ALDH1L2: variants seen among roughly 807,000 people sequenced by gnomAD.
The protein encoded by ALDH1L2 is aldehyde dehydrogenase 1 family member L2, also known as mitochondrial 10-formyltetrahydrofolate dehydrogenase.
Under a neutral mutation model 111.0 loss-of-function variants are expected in ALDH1L2, and 91 were observed. That is an observed-to-expected ratio of 0.82 (90% CI 0.69 to 0.98). The LOEUF (loss-of-function observed/expected upper bound fraction) is 0.98, where lower values mean the gene tolerates loss of function less well. ALDH1L2 is among the 50% of genes least tolerant of loss of function. The pLI is 0.00. For synonymous variants in ALDH1L2, 374 were observed against 392.6 expected (o/e 0.95, Z 0.56); for missense variants, 995 against 1,126.8 (o/e 0.88, Z 1.67).
chr12:105,075,771 C>T (rs1878020376), intron 1 of ALDH1L2, among the ~76,000 whole-genome samples: 1 of 152,042 alleles, frequency 6.6e-6, no homozygotes, highest in East Asian at 1.9e-4. Flanking sequence ...GAAAATTGGA[C>T]TGATATATTT....
At chr12:105,083,494 C>T (rs919221937) in intron 1 of ALDH1L2, among the ~76,000 whole-genome samples, 4 of 152,160 alleles carry the variant, frequency 2.6e-5, no homozygotes, top group Admixed American at 6.5e-5. Flanking sequence ...TTCTCTCTGC[C>T]TCCAAGTTTT....
rs573067546 is a variant in ALDH1L2 at position 105,050,014 on chromosome 12, A to G, written c.1580T>C (p.Ile527Thr). 2.0e-4 allele frequency: 324 copies of G among 1,609,536 alleles called. 2 individuals are homozygous for G. The South Asian group carries it at 2.8e-3, about 14-fold the overall frequency. The change falls in exon 13 of 23, where the codon ATT (isoleucine) becomes ACT (threonine). Residue 527 changes from isoleucine (I) to threonine (T), a missense_variant. Ile to Thr is a moderately conservative substitution (Grantham distance 89). Transcript: ENST00000258494. ...LEENQEELATIEALDSGAVYT... is the reference protein window; with the variant it reads ...LEENQEELATTEALDSGAVYT... ...GACAGCCCCTGAATCAAGGGCTTCA[A>G]TAGTTGCCAGCTCTTCTTGGTTCTC...
intron 18 of ALDH1L2, among the ~76,000 whole-genome samples, chr12:105,037,191 A>G (rs538225739): frequency 2.0e-5 from 3 of 150,954 alleles, no homozygotes; most frequent in African/African-American, 7.4e-5. Context: ...CTCAGATGTG[A>G]AGAATGAGAA....
chr12:105,078,332 G>A (rs1351966814), intron 1 of ALDH1L2, among the ~76,000 whole-genome samples: 1 of 152,166 alleles, frequency 6.6e-6, no homozygotes, highest in African/African-American at 2.4e-5. Flanking sequence ...GGTGGCGCGT[G>A]CCTGTATTCC....
intron 18 of ALDH1L2, among the ~76,000 whole-genome samples, chr12:105,036,514 T>TATATATA (rs1875128659): frequency 8.5e-5 from 2 of 23,652 alleles, no homozygotes; most frequent in Non-Finnish European, 1.8e-4. Context: ...TATATATATT[T>TATATATA]TATATATATA....
chr12:105,067,605 T>C (rs1877448452), intron 4 of ALDH1L2, among the ~76,000 whole-genome samples: 1 of 152,152 alleles, frequency 6.6e-6, no homozygotes, highest in African/African-American at 2.4e-5. Flanking sequence ...CTCTGTTATA[T>C]TTACGTTTGC....
At chr12:105,056,276 A>G (rs1192462434) in intron 10 of ALDH1L2, among the ~76,000 whole-genome samples, 1 of 152,156 alleles carries the variant, frequency 6.6e-6, no homozygotes, top group Non-Finnish European at 1.5e-5. Context: ...TGATAAAAGA[A>G]AAATACCGTC....
At position 105,039,530 on chromosome 12, in the gene ALDH1L2, C is replaced by G. The variant is rs1034712913; in HGVS notation, c.2045+183G>C. 5.9e-5 allele frequency among the ~76,000 whole-genome samples: 9 copies of G among 152,252 alleles called. No individual in the cohort carries two copies. The East Asian group carries it at 1.5e-3, about 26-fold the overall frequency. ...CAACATAGCTTTGGTTTTATTGACT[C>G]TGGGCTTTAATGCTTTGGAAAGTAT... On this transcript the variant is annotated intron_variant, in intron 17 of 22. Transcript: ENST00000258494.
chr12:105,052,008 G>C, intron 12 of ALDH1L2, 82 bp downstream of exon 12: 8 of 1,265,374 alleles, frequency 6.3e-6, no homozygotes, highest in Non-Finnish European at 8.2e-6. Context: ...AGGAATTTGA[G>C]ACCAGCCTGG....
chr12:105,062,920 C>T lies in ALDH1L2; in HGVS notation c.889G>A (p.Gly297Arg), dbSNP rs775862326. ...CCATCGTTACCAAAAAGAACAAGTC[C>T]ATTTTTGGTAACGAGACCAGGCTTC... ...AKKPGLVTKN[G>R]LVLFGNDGKA... Residue 297 changes from glycine to arginine, a missense_variant, in exon 7 of 23, where the codon GGA (glycine) becomes AGA (arginine). Gly to Arg is a moderately radical substitution (Grantham distance 125). Transcript: ENST00000258494. 6.2e-7 allele frequency: 1 copy of T among 1,613,694 alleles called. No individual in the cohort carries two copies. The highest frequency in any genetic ancestry group is 8.5e-7 in the Non-Finnish European group (1 of 1,179,854).
intron 15 of ALDH1L2, among the ~76,000 whole-genome samples, chr12:105,046,193 C>CTCTCTCTA (rs1256472590): frequency 4.0e-4 from 8 of 20,176 alleles, no homozygotes; most frequent in East Asian, 1.4e-3. Flanking sequence ...CTCTCTCTCT[C>CTCTCTCTA]TATATATATA....
In ALDH1L2 at chr12:105,034,343, A is replaced by G; in HGVS notation, c.2201T>C (p.Leu734Ser). The G allele has an allele frequency of 2.5e-6, 4 of 1,613,912 alleles. No individual in the cohort carries two copies. The South Asian group carries it at 4.4e-5, about 18-fold the overall frequency. ...GTCGTGGATGGATTCTTCCACGAAC[A>G]ACCGCCCAGCAGCAATACAGTTCTC... is the stretch of plus-strand genomic sequence containing the variant. The part of the protein sequence containing the change: ...KGENCIAAGR[L>S]FVEESIHDEF... The change falls in exon 19 of 23, where the codon TTG becomes TCG. Residue 734 changes from leucine to serine, a missense_variant. Transcript: ENST00000258494.
intron 16 of ALDH1L2, among the ~76,000 whole-genome samples, chr12:105,040,223 C>A (rs1378879624): frequency 6.6e-6 from 1 of 151,152 alleles, no homozygotes; most frequent in Non-Finnish European, 1.5e-5. Flanking sequence ...CTCCTTGACA[C>A]CTTAGTTTTA....
intron 6 of ALDH1L2, among the ~76,000 whole-genome samples, chr12:105,064,878 T>C (rs1345652767): frequency 6.6e-6 from 1 of 152,154 alleles, no homozygotes; most frequent in Non-Finnish European, 1.5e-5. Context: ...CTTGACCAGG[T>C]GCTGGAGTCT....
chr12:105,042,337 G>A lies in ALDH1L2; in HGVS notation c.1864-1643C>T, dbSNP rs549680519. ...TCCTAAAACATAGAGAAAGTAATTT[G>A]AGAATTGTTAAGCCATGTCCCTATG... On this transcript the variant is annotated intron_variant, in intron 15 of 22. Transcript: ENST00000258494. 2.0e-5 allele frequency among the ~76,000 whole-genome samples: 3 copies of A among 152,264 alleles called. No individual in the cohort carries two copies. The South Asian group carries it at 6.2e-4, about 32-fold the overall frequency.
At chr12:105,036,000 TTA>T (rs1315712503) in intron 18 of ALDH1L2, among the ~76,000 whole-genome samples, 5,397 of 79,176 alleles carry the variant, frequency 0.068, 560 homozygotes, top group South Asian at 0.17. Context: ...ATACGTATAT[TTA>T]TATATGTGTA....
chr12:105,074,060 G>C (rs1282378148), intron 1 of ALDH1L2, 55 bp from the exon 2 acceptor site: 27 of 1,603,308 alleles, frequency 1.7e-5, no homozygotes, highest in Non-Finnish European at 2.3e-5. Context: ...CACTGGATGA[G>C]GGTGAGGGTT....
chr12:105,032,000 G>A (rs2136049119), intron 19 of ALDH1L2, 66 bp from the exon 20 acceptor site: 10 of 1,547,790 alleles, frequency 6.5e-6, no homozygotes, highest in Non-Finnish European at 8.8e-6. Flanking sequence ...CTACCAAGTG[G>A]TAGGTGTTAT....
At chr12:105,042,540 GT>G (rs1278822991) in intron 15 of ALDH1L2, among the ~76,000 whole-genome samples, 3 of 151,950 alleles carry the variant, frequency 2.0e-5, no homozygotes, top group Non-Finnish European at 4.4e-5. Context: ...GGCTTAATTT[GT>G]TTTGTTTATA....
Sources: allele counts gnomAD v4.1 joint callset (sites outside exome capture counted in the v4.1 genomes callset), GRCh38; gene constraint gnomAD v4.1.1; transcripts MANE v1.5; gene names NCBI Gene and HGNC (gene_info 2026-07-23, HGNC 2026-07-21).